Variants in STIM1 observed in about 807,000 individuals in gnomAD.
The protein encoded by STIM1 is stromal interaction molecule 1.
Under a neutral mutation model 74.7 loss-of-function variants are expected in STIM1, and 25 were observed. That is an observed-to-expected ratio of 0.33 (90% CI 0.24 to 0.47). The LOEUF (loss-of-function observed/expected upper bound fraction) is 0.47, where lower values mean the gene tolerates loss of function less well. Ranked by LOEUF, STIM1 falls within the 20% of genes least tolerant of loss-of-function variation. The probability of loss-of-function intolerance (pLI) is 1.00; values close to 1 mark genes in which losing one functional copy is unlikely to be tolerated. For missense variants in STIM1, 728 were observed against 920.8 expected (o/e 0.79, Z 2.71); for synonymous variants, 328 against 348.8 (o/e 0.94, Z 0.66).
chr11:4,005,600 C>T lies in STIM1; in HGVS notation c.271-18273C>T, dbSNP rs181905794. On this transcript the variant is annotated intron_variant, in intron 2 of 12. Coordinates refer to ENST00000526596, the MANE Select transcript of STIM1 (RefSeq NM_001382567.1). ...GTTGTGGGGTGGGGGGAGGGGGGAG[C>T]GATAGCTTTAGGAGATATACCTAAT... Among the ~76,000 whole-genome samples the T allele has an allele frequency of 3.7e-3, 552 of 150,808 alleles. 2 individuals are homozygous for T. The highest frequency in any genetic ancestry group is 0.013 in the African/African-American group (521 of 40,908).
chr11:3,921,278 C>T (rs11030266), intron 1 of STIM1, among the ~76,000 whole-genome samples: 6 of 152,178 alleles, frequency 3.9e-5, no homozygotes, highest in East Asian at 3.9e-4. Context: ...GGTTATACTT[C>T]GATATTTGGC....
intron 2 of STIM1, among the ~76,000 whole-genome samples, chr11:3,997,911 G>A (rs938613283): frequency 2.6e-5 from 4 of 152,158 alleles, no homozygotes; most frequent in Non-Finnish European, 4.4e-5. Flanking sequence ...AGACTACAAT[G>A]TCTTGTCTTA....
At chr11:4,032,212 T>C (rs2094056614) in intron 3 of STIM1, among the ~76,000 whole-genome samples, 1 of 152,156 alleles carries the variant, frequency 6.6e-6, no homozygotes, top group Non-Finnish European at 1.5e-5. Context: ...GCATACACTG[T>C]AGTCCCAGCT....
At chr11:3,883,016 TTTG>T (rs1554952840) in intron 1 of STIM1, among the ~76,000 whole-genome samples, 4 of 141,888 alleles carry the variant, frequency 2.8e-5, no homozygotes, top group Non-Finnish European at 6.5e-5. Context: ...AACTAAGTTG[TTTG>T]TTTTTTTGTT....
At chr11:3,995,805 T>C (rs1327510758) in intron 2 of STIM1, among the ~76,000 whole-genome samples, 1 of 131,846 alleles carries the variant, frequency 7.6e-6, no homozygotes, top group Admixed American at 8.7e-5. Flanking sequence ...CTACTACACC[T>C]GGCTTCTTTT....
At chr11:3,892,962 G>T (rs1387666602) in intron 1 of STIM1, 2 of 892,346 alleles carry the variant, frequency 2.2e-6, no homozygotes, top group African/African-American at 3.4e-5. Flanking sequence ...TAGAGATGGG[G>T]TTTTGCCATG....
At chr11:4,004,423 A>G (rs1322051312) in intron 2 of STIM1, among the ~76,000 whole-genome samples, 3 of 151,450 alleles carry the variant, frequency 2.0e-5, no homozygotes, top group Non-Finnish European at 4.4e-5. Flanking sequence ...GCCCTCAGAA[A>G]TAACGCCGCA....
intron 2 of STIM1, among the ~76,000 whole-genome samples, chr11:4,016,069 T>G (rs1385251776): frequency 1.3e-5 from 2 of 152,192 alleles, no homozygotes; most frequent in Admixed American, 1.3e-4. Flanking sequence ...TCATCCTCCC[T>G]CCAGTTTTGT....
chr11:3,923,944 A>G lies in STIM1; in HGVS notation c.140-43608A>G, dbSNP rs140331629. Reference sequence around the variant, plus strand: ...TATAGATTGGGAGAACTGACAAACTATATGTAGTCTTTCAACTCATGAACA... The same window carrying G: ...TATAGATTGGGAGAACTGACAAACTGTATGTAGTCTTTCAACTCATGAACA... On this transcript the variant is annotated intron_variant, in intron 1 of 12. Coordinates refer to ENST00000526596, the MANE Select transcript of STIM1 (RefSeq NM_001382567.1). Among the ~76,000 whole-genome samples, 1,369 of 152,172 alleles carry G rather than the reference A, an allele frequency of 9.0e-3. 18 individuals are homozygous for G. Among genetic ancestry groups the G allele is most frequent in the Middle Eastern group, 0.085 (25 of 294 alleles).
At chr11:3,955,592 A>T (rs1360519550) in intron 1 of STIM1, among the ~76,000 whole-genome samples, 1 of 152,142 alleles carries the variant, frequency 6.6e-6, no homozygotes, top group East Asian at 1.9e-4. Context: ...TAAAAATTGA[A>T]TGTATATAAT....
chr11:3,932,004 A>G (rs1446556869), intron 1 of STIM1, among the ~76,000 whole-genome samples: 1 of 152,178 alleles, frequency 6.6e-6, no homozygotes, highest in African/African-American at 2.4e-5. Context: ...CGCTGTTTAC[A>G]AGCGGTTGCG....
At chr11:4,059,170 G>T in intron 4 of STIM1, 111 bp from the exon 5 acceptor site, 1 of 950,410 alleles carries the variant, frequency 1.1e-6, no homozygotes, top group Non-Finnish European at 1.7e-6. Flanking sequence ...GAGTGCAGAG[G>T]GGAGCAATCA....
At chr11:4,054,540 A>G (rs1182967050) in intron 3 of STIM1, among the ~76,000 whole-genome samples, 2 of 152,124 alleles carry the variant, frequency 1.3e-5, no homozygotes, top group African/African-American at 4.8e-5. Flanking sequence ...TTAGATCCTC[A>G]TAGGAGTGCG....
intron 1 of STIM1, among the ~76,000 whole-genome samples, chr11:3,906,772 A>T (rs1405412894): frequency 9.2e-5 from 14 of 152,212 alleles, no homozygotes; most frequent in Admixed American, 9.2e-4. Context: ...AGTGCTAGGC[A>T]TGTAATGGAT....
At chr11:3,920,587 T>C (rs1355941386) in intron 1 of STIM1, among the ~76,000 whole-genome samples, 3 of 152,248 alleles carry the variant, frequency 2.0e-5, no homozygotes, top group Non-Finnish European at 2.9e-5. Flanking sequence ...AAGTGTATAA[T>C]TGGGATTGAC....
intron 1 of STIM1, among the ~76,000 whole-genome samples, chr11:3,939,600 A>G (rs1281649287): frequency 1.3e-5 from 2 of 152,194 alleles, no homozygotes; most frequent in African/African-American, 2.4e-5. Context: ...GATATAGGCA[A>G]GAAAGTACTT....
At chr11:4,083,536 T>C (rs1171390332) in intron 10 of STIM1, 38 bp downstream of exon 10, 3 of 1,575,114 alleles carry the variant, frequency 1.9e-6, no homozygotes, top group Admixed American at 3.7e-5. Context: ...GAAGGAGCCT[T>C]TGATGTACAG....
At chr11:4,085,973 T>C (rs1375002866) in intron 11 of STIM1, among the ~76,000 whole-genome samples, 1 of 152,238 alleles carries the variant, frequency 6.6e-6, no homozygotes, top group African/African-American at 2.4e-5. Context: ...ATGTTATCAT[T>C]TTCCCATTGT....
At chr11:4,071,439 C>T (rs2133168186) in intron 6 of STIM1, among the ~76,000 whole-genome samples, 1 of 152,234 alleles carries the variant, frequency 6.6e-6, no homozygotes, top group Non-Finnish European at 1.5e-5. Context: ...CAGCCTCCAC[C>T]CCCTGGGCTC....
Sources: gnomAD v4.1 joint callset for allele counts (sites outside exome capture counted in the v4.1 genomes callset) on GRCh38, gnomAD v4.1.1 for gene constraint, MANE v1.5 for transcripts, NCBI Gene and HGNC (gene_info 2026-07-23, HGNC 2026-07-21) for gene names.